RYR1: variants seen among roughly 807,000 people sequenced by gnomAD.
The protein encoded by RYR1 is ryanodine receptor 1.
Under a neutral mutation model 583.5 loss-of-function variants are expected in RYR1, and 342 were observed. The ratio of observed to expected loss-of-function variants is 0.59; its 90% CI spans 0.54 to 0.64. RYR1 has a LOEUF of 0.64. Ranked by LOEUF, RYR1 falls within the 30% of genes least tolerant of loss-of-function variation. The probability of loss-of-function intolerance (pLI) is 0.00; values close to 1 mark genes in which losing one functional copy is unlikely to be tolerated. For synonymous variants in RYR1, 2,791 were observed against 2,822.5 expected, an observed-to-expected ratio of 0.99 and a Z score of 0.35; for missense variants, 6,032 against 6,917.2, an observed-to-expected ratio of 0.87 and a Z score of 4.54.
At chr19:38,456,873 T>C (rs557642059) in intron 16 of RYR1, among the ~76,000 whole-genome samples, 231 of 151,000 alleles carry the variant, frequency 1.5e-3, no homozygotes, top group Middle Eastern at 6.8e-3. Context: ...GGTGAAACCC[T>C]GTCTCTACTA....
rs1969974373 is a variant in RYR1, at chr19:38,499,026, A to G, written c.6892-82A>G. ...GAACCGGACTGAGGAGCCGCAGGGC[A>G]GGGCAGGGCAGGGCAGAGGGCTGAG... On this transcript the variant is annotated intron_variant, in intron 42 of 105. Coordinates refer to ENST00000359596, the MANE Select transcript of RYR1 (RefSeq NM_000540.3). This position sits in a 1 kb window ranked among gnomAD's most constrained non-coding sequence, Gnocchi z 7.3. The G allele has an allele frequency of 1.9e-6, 3 of 1,569,716 alleles. No homozygotes were observed. The highest frequency in any genetic ancestry group is 2.6e-6 in the Non-Finnish European group (3 of 1,152,570).
rs376983550 is a variant in RYR1, at chr19:38,532,558, C to T, written c.11193+17C>T. The T allele has an allele frequency of 8.6e-5, 139 of 1,614,020 alleles. No homozygotes were observed. The East Asian group carries it at 3.0e-3, about 35-fold the overall frequency. On this transcript the variant is annotated intron_variant, in intron 77 of 105. Coordinates refer to ENST00000359596, the MANE Select transcript of RYR1 (RefSeq NM_000540.3). ...ATGGCAAAGGTGAGGCCCTACCCCC[C>T]TCTTCTGGGGCAGATTTCCCTCTCC... is the stretch of plus-strand genomic sequence containing the variant.
At position 38,478,504 on chromosome 19, in the gene RYR1, C is replaced by T; in HGVS notation, c.4524C>T (p.Ile1508=). The T allele has an allele frequency of 6.2e-7, 1 of 1,614,188 alleles. No homozygotes were observed. The highest frequency in any genetic ancestry group is 8.5e-7 in the Non-Finnish European group (1 of 1,180,036). Residue 1508 remains isoleucine (I), a synonymous_variant, in exon 31 of 106, where the codon ATC becomes ATT. Transcript: ENST00000359596. Reference sequence around the variant, plus strand: ...TGAGTCCCGGGCAGCAGGGCCGGATCAGCCACACGGACCTTGTCATTGGGT... The same window carrying T: ...TGAGTCCCGGGCAGCAGGGCCGGATTAGCCACACGGACCTTGTCATTGGGT... ...DFVSPGQQGR[I]SHTDLVIGCL... is the part of the protein sequence containing the mutation.
At chr19:38,472,516 T>C (rs999878519) in intron 27 of RYR1, among the ~76,000 whole-genome samples, 3 of 152,186 alleles carry the variant, frequency 2.0e-5, no homozygotes, top group Admixed American at 6.5e-5. Flanking sequence ...AAACTAGTCA[T>C]GGAGAAGTGA....
Position 38,510,737 on chromosome 19 carries a change from C to CA in RYR1, c.9079dup (p.Ser3027LysfsTer7). ...TGTCCACTCCGGCTAAAGTGCTGGGCAGCGGTGGCCACGCCTCTAACAAGG... is the reference window on the plus strand; with the variant it reads ...TGTCCACTCCGGCTAAAGTGCTGGGCAAGCGGTGGCCACGCCTCTAACAAGG... On this transcript the variant is annotated frameshift_variant, in exon 60 of 106. Coordinates refer to ENST00000359596, the MANE Select transcript of RYR1 (RefSeq NM_000540.3). LOFTEE classifies it high-confidence loss of function. 1 of 1,614,174 alleles carries CA rather than the reference C, an allele frequency of 6.2e-7. No individual in the cohort carries two copies. Among genetic ancestry groups the CA allele is most frequent in the Non-Finnish European group, 8.5e-7 (1 of 1,180,052 alleles).
intron 30 of RYR1, 28 bp from the exon 31 acceptor site, chr19:38,478,407 G>A (rs747957164): frequency 6.2e-7 from 1 of 1,610,556 alleles, no homozygotes; most frequent in East Asian, 2.2e-5. Context: ...CACATGAGGA[G>A]TGCAGTGACC....
chr19:38,582,688 G>A (rs532634068), intron 101 of RYR1, among the ~76,000 whole-genome samples: 2 of 152,192 alleles, frequency 1.3e-5, no homozygotes, highest in South Asian at 2.1e-4. Flanking sequence ...TATACCCAGC[G>A]TTCAATGCAC....
rs779971797 is a variant in RYR1 at position 38,525,356 on chromosome 19, A to G, written c.10480A>G (p.Thr3494Ala). Residue 3494 changes from threonine to alanine, a missense_variant, in exon 71 of 106, where the codon ACC (threonine) becomes GCC (alanine). Physicochemically the swap from Thr to Ala is moderately conservative, Grantham distance 58. This residue lies in a region of RYR1 where 1,493 missense variants were observed against 1,715.5 expected (regional missense o/e 0.87). Coordinates refer to ENST00000359596, the MANE Select transcript of RYR1 (RefSeq NM_000540.3). ...GTCCGGTGGCTCGGACCAGGAACGC[A>G]CCAAGAAGAAGCGCCGGGGGGACCG... Reference protein sequence around the residue: ...IQSGGSDQERTKKKRRGDRYS... With the variant: ...IQSGGSDQERAKKKRRGDRYS... 5 of 1,613,810 alleles carry G rather than the reference A, an allele frequency of 3.1e-6. No homozygotes were observed. In the Admixed American group the frequency reaches 8.3e-5, roughly 27 times the overall value.
rs1967885999 is a variant in RYR1 at position 38,463,306 on chromosome 19, T to G, written c.2578-117T>G. ...GATGGGGAGCAGGGCTGCTGGATGG[T>G]GGGAAAGGGGGTGCTGGAGGAGCCT... On this transcript the variant is annotated intron_variant, in intron 20 of 105. Coordinates refer to ENST00000359596, the MANE Select transcript of RYR1 (RefSeq NM_000540.3). 3 of 794,870 alleles carry G rather than the reference T, an allele frequency of 3.8e-6. No individual in the cohort carries two copies. The Admixed American group carries it at 6.0e-5, about 16-fold the overall frequency. The allele number at this position is 794,870 out of a possible 1,614,324, so 49.2% of individuals were successfully genotyped here.
intron 13 of RYR1, among the ~76,000 whole-genome samples, chr19:38,454,768 TAAG>T (rs1967272238): frequency 7.3e-6 from 1 of 136,296 alleles, no homozygotes; most frequent in African/African-American, 2.8e-5. Flanking sequence ...CACAATGAAA[TAAG>T]AAAAAATATT....
intron 89 of RYR1, among the ~76,000 whole-genome samples, chr19:38,552,743 G>T (rs1034979378): frequency 6.6e-6 from 1 of 152,156 alleles, no homozygotes; most frequent in African/African-American, 2.4e-5. Context: ...AGCACTTCCT[G>T]GGGGCTGGGC....
Position 38,494,101 on chromosome 19 carries a change from C to T in RYR1, c.6275-251C>T, listed in dbSNP as rs571458600. 1.2e-4 allele frequency among the ~76,000 whole-genome samples: 19 copies of T among 152,142 alleles called. 2 individuals are homozygous for T. The highest frequency in any genetic ancestry group is 4.2e-4 in the South Asian group (2 of 4,814). On this transcript the variant is annotated intron_variant, in intron 38 of 105. Coordinates refer to ENST00000359596, the MANE Select transcript of RYR1 (RefSeq NM_000540.3). ...GGAGGATCACTTGAGCCCGGGAGTT[C>T]GAGGCTGAAGTGAGCTGTGATAGCC...
At chr19:38,506,718 C>T in intron 56 of RYR1, 111 bp from the exon 57 acceptor site, 5 of 1,527,956 alleles carry the variant, frequency 3.3e-6, no homozygotes, top group South Asian at 1.2e-5. Flanking sequence ...TTCCGTTATT[C>T]GTATCTTCTT....
At chr19:38,525,728 G>C (rs2145713327) in intron 71 of RYR1, among the ~76,000 whole-genome samples, 1 of 151,928 alleles carries the variant, frequency 6.6e-6, no homozygotes, top group Middle Eastern at 3.4e-3. Context: ...ACAGACCTAA[G>C]AGCCCTCACT....
chr19:38,448,436 G>A lies in RYR1; in HGVS notation c.882G>A (p.Glu294=). The A allele has an allele frequency of 6.2e-7, 1 of 1,613,814 alleles. No homozygotes were observed. Among genetic ancestry groups the A allele is most frequent in the Non-Finnish European group, 8.5e-7 (1 of 1,180,006 alleles). The change falls in exon 10 of 106, where the codon GAG becomes GAA. Residue 294 remains glutamate, a synonymous_variant. Coordinates refer to ENST00000359596, the MANE Select transcript of RYR1 (RefSeq NM_000540.3). ...CCGGGCAGTACCTAGCGCTCACCGA[G>A]GACCAGGGCCTGGTGGTGGTTGACG... ...VTTGQYLALT[E]DQGLVVVDAS...
chr19:38,502,541 T>C lies in RYR1; in HGVS notation c.7649T>C (p.Leu2550Pro). Residue 2550 changes from leucine to proline, a missense_variant, in exon 48 of 106, where the codon CTG (leucine) becomes CCG (proline). This residue lies in a region of RYR1 where 250 missense variants were observed against 162.3 expected (regional missense o/e 1.54). Transcript: ENST00000359596. Reference sequence around the variant, plus strand: ...AGCACCACCGAGATGGCGCTGGCGCTGAACCGCTACCTGTGCCTGGCCGTG... The same window carrying C: ...AGCACCACCGAGATGGCGCTGGCGCCGAACCGCTACCTGTGCCTGGCCGTG... Reference protein sequence around the residue: ...TFSTTEMALALNRYLCLAVLP... With the variant: ...TFSTTEMALAPNRYLCLAVLP... 6.2e-7 allele frequency: 1 copy of C among 1,609,874 alleles called. No individual in the cohort carries two copies. The highest frequency in any genetic ancestry group is 8.5e-7 in the Non-Finnish European group (1 of 1,179,696).
intron 26 of RYR1, 40 bp from the exon 27 acceptor site, chr19:38,469,265 C>T (rs1328979410): frequency 6.2e-7 from 1 of 1,610,752 alleles, no homozygotes; most frequent in Non-Finnish European, 8.5e-7. Context: ...CTGCCCTGCC[C>T]ACCTGCCCTC....
intron 16 of RYR1, among the ~76,000 whole-genome samples, chr19:38,457,045 C>CTTAAAAAA: frequency 5.1e-5 from 1 of 19,588 alleles, no homozygotes; most frequent in Non-Finnish European, 8.7e-5. Context: ...GACTCCATCT[C>CTTAAAAAA]CAAAAAAAAA....
intron 89 of RYR1, among the ~76,000 whole-genome samples, chr19:38,555,950 A>G (rs908024522): frequency 3.3e-5 from 5 of 151,984 alleles, no homozygotes; most frequent in Admixed American, 3.3e-4. Flanking sequence ...TGTAACCTCC[A>G]CCTGTCAGGT....
Sources: allele counts gnomAD v4.1 joint callset (sites outside exome capture counted in the v4.1 genomes callset), GRCh38; gene constraint gnomAD v4.1.1; regional missense constraint gnomAD v4.1.1; non-coding constraint Gnocchi (gnomAD v3.1); transcripts MANE v1.5; gene names NCBI Gene and HGNC (gene_info 2026-07-23, HGNC 2026-07-21).